The following ASIC2 variants were observed in gnomAD, a reference collection of about 807,000 sequenced individuals.
The protein encoded by ASIC2 is acid sensing ion channel subunit 2.
ASIC2 carries 25 observed loss-of-function variants against 57.3 expected under a neutral mutation model. The ratio of observed to expected loss-of-function variants is 0.44; its 90% CI spans 0.32 to 0.61. The LOEUF (loss-of-function observed/expected upper bound fraction) is 0.61. Ranked by LOEUF, ASIC2 falls within the 20% of genes least tolerant of loss-of-function variation. The pLI, the probability that ASIC2 is intolerant of heterozygous loss-of-function variation, is 0.06. For missense variants in ASIC2, 641 were observed against 738.1 expected, an observed-to-expected ratio of 0.87 and a Z score of 1.52; for synonymous variants, 319 against 307.5, an observed-to-expected ratio of 1.04 and a Z score of -0.39.
At chr17:33,266,142 C>T (rs562550681) in intron 1 of ASIC2, among the ~76,000 whole-genome samples, 1 of 152,324 alleles carries the variant, frequency 6.6e-6, no homozygotes, top group South Asian at 2.1e-4. Context: ...TCTCCAGAGA[C>T]ACCTACCTTG....
intron 1 of ASIC2, among the ~76,000 whole-genome samples, chr17:33,820,823 C>T (rs183269480): frequency 3.3e-5 from 5 of 152,236 alleles, no homozygotes; most frequent in African/African-American, 4.8e-5. Context: ...ACTACTGGTG[C>T]GTGTCATCAT....
chr17:33,197,996 A>G (rs55993568), intron 1 of ASIC2, among the ~76,000 whole-genome samples: 14,877 of 152,230 alleles, frequency 0.098, 960 homozygotes, highest in East Asian at 0.14. Context: ...GGCTCCTGGG[A>G]ACATTATTTA....
chr17:34,047,506 C>CAAAAAAAAAAAAAAAAAAAAAAAA lies in ASIC2; in HGVS notation c.555+108471_555+108472insTTTTTTTTTTTTTTTTTTTTTTTT, dbSNP rs765688526. On this transcript the variant is annotated intron_variant, in intron 1 of 9. Transcript: ENST00000359872. Reference sequence around the variant, plus strand: ...TCTTAACATGATGTACACCTTTCTCCAGAAAAAAAAAAAAAAAAAAAAAAA... The same window carrying CAAAAAAAAAAAAAAAAAAAAAAAA: ...TCTTAACATGATGTACACCTTTCTCCAAAAAAAAAAAAAAAAAAAAAAAAAGAAAAAAAAAAAAAAAAAAAAAAA... 2.9e-5 allele frequency among the ~76,000 whole-genome samples: 2 copies of CAAAAAAAAAAAAAAAAAAAAAAAA among 68,314 alleles called. 1 individual carries two copies. The highest frequency in any genetic ancestry group is 6.1e-5 in the Non-Finnish European group (2 of 32,816). The allele number at this position is 68,314 out of a possible 152,430, so 44.8% of individuals were successfully genotyped here. A position where few individuals can be genotyped will look rare whatever the true frequency, so the allele number is the denominator to read the frequency against.
At chr17:33,942,155 A>G (rs1247422793) in intron 1 of ASIC2, among the ~76,000 whole-genome samples, 1 of 152,112 alleles carries the variant, frequency 6.6e-6, no homozygotes, top group Non-Finnish European at 1.5e-5. Context: ...GAAGGCAGAA[A>G]AGGTACCAAA....
At chr17:33,651,909 A>G (rs1217956397) in intron 1 of ASIC2, among the ~76,000 whole-genome samples, 1 of 152,210 alleles carries the variant, frequency 6.6e-6, no homozygotes, top group Non-Finnish European at 1.5e-5. Context: ...TGCTCTGGGA[A>G]AGTTTGCACT....
intron 1 of ASIC2, among the ~76,000 whole-genome samples, chr17:33,437,144 C>T (rs576402800): frequency 3.3e-5 from 5 of 152,008 alleles, no homozygotes; most frequent in East Asian, 3.9e-4. Context: ...GGATTACAGG[C>T]GTGAGCCACC....
intron 1 of ASIC2, among the ~76,000 whole-genome samples, chr17:33,591,025 A>G (rs1316219179): frequency 6.6e-6 from 1 of 152,140 alleles, no homozygotes; most frequent in Non-Finnish European, 1.5e-5. Context: ...CTTCATTCCA[A>G]CGTGCTCAAA....
rs948522655 is a variant in ASIC2, at chr17:34,086,016, G to A, written c.555+69962C>T. Among the ~76,000 whole-genome samples, 577 of 151,576 alleles carry A rather than the reference G, an allele frequency of 3.8e-3. 3 individuals carry two copies. The highest frequency in any genetic ancestry group is 0.013 in the African/African-American group (536 of 41,222). On this transcript the variant is annotated intron_variant, in intron 1 of 9. Coordinates refer to the ASIC2 transcript ENST00000359872. Reference sequence around the variant, plus strand: ...TCCTGGATTCATTAATTTTTTGAAGGGTTTTTTGTGTCTCTGTTTCCTTCA... The same window carrying A: ...TCCTGGATTCATTAATTTTTTGAAGAGTTTTTTGTGTCTCTGTTTCCTTCA...
chr17:34,009,758 A>T (rs569142209), intron 1 of ASIC2, among the ~76,000 whole-genome samples: 34 of 152,230 alleles, frequency 2.2e-4, no homozygotes, highest in Non-Finnish European at 3.8e-4. Flanking sequence ...GCTCTTGCCC[A>T]TCTCATTGGC....
chr17:34,024,262 T>C (rs569568307), intron 1 of ASIC2, among the ~76,000 whole-genome samples: 22 of 152,306 alleles, frequency 1.4e-4, no homozygotes, highest in Admixed American at 5.9e-4. Flanking sequence ...AACAGCCTCT[T>C]CATGTTCCCA....
intron 1 of ASIC2, among the ~76,000 whole-genome samples, chr17:33,630,553 C>G (rs767587116): frequency 7.9e-5 from 12 of 152,190 alleles, no homozygotes; most frequent in Non-Finnish European, 1.5e-4. Context: ...ACTTAGCTCT[C>G]TATGACAAGC....
chr17:33,255,213 T>C (rs1237171647), intron 1 of ASIC2, among the ~76,000 whole-genome samples: 1 of 151,876 alleles, frequency 6.6e-6, no homozygotes, highest in East Asian at 1.9e-4. Flanking sequence ...CTAATTTTTG[T>C]ATTTTTAGTA....
chr17:33,306,848 G>A (rs1413806173), intron 1 of ASIC2, among the ~76,000 whole-genome samples: 1 of 152,158 alleles, frequency 6.6e-6, no homozygotes, highest in Admixed American at 6.5e-5. Flanking sequence ...GTGTCACACA[G>A]TGTGTTACAG....
chr17:33,291,224 G>A, intron 1 of ASIC2, 184 bp downstream of exon 1: 1 of 1,327,528 alleles, frequency 7.5e-7, no homozygotes, highest in East Asian at 2.7e-5. Flanking sequence ...CTACAGTTAA[G>A]TCCAAGTTCC....
intron 1 of ASIC2, among the ~76,000 whole-genome samples, chr17:33,724,000 T>C (rs1269434092): frequency 1.3e-5 from 2 of 152,184 alleles, no homozygotes; most frequent in South Asian, 2.1e-4. Context: ...TCTTGAATTG[T>C]AGCTCCCACA....
chr17:33,302,703 C>A (rs1224179211), intron 1 of ASIC2, among the ~76,000 whole-genome samples: 1 of 152,140 alleles, frequency 6.6e-6, no homozygotes, highest in Non-Finnish European at 1.5e-5. Context: ...ACAAGAAGAG[C>A]AGAAAGGAAG....
At chr17:33,852,753 G>A (rs895697539) in intron 1 of ASIC2, among the ~76,000 whole-genome samples, 6 of 152,112 alleles carry the variant, frequency 3.9e-5, no homozygotes, top group Non-Finnish European at 7.3e-5. Context: ...ACAGATCTTC[G>A]ATGGATACTC....
At chr17:33,317,694 AG>A (rs1325927772) in intron 1 of ASIC2, among the ~76,000 whole-genome samples, 1 of 152,226 alleles carries the variant, frequency 6.6e-6, no homozygotes, top group Non-Finnish European at 1.5e-5. Flanking sequence ...ACAATCTAGT[AG>A]GGAGATAAAA....
chr17:34,088,422 C>T (rs1049733702), intron 1 of ASIC2, among the ~76,000 whole-genome samples: 11 of 152,132 alleles, frequency 7.2e-5, no homozygotes, highest in African/African-American at 2.7e-4. Context: ...AGAGGAGTAC[C>T]CGGCCGTGTG....
Sources: allele counts gnomAD v4.1 joint callset (sites outside exome capture counted in the v4.1 genomes callset), GRCh38; gene constraint gnomAD v4.1.1; transcripts MANE v1.5; gene names NCBI Gene and HGNC (gene_info 2026-07-23, HGNC 2026-07-21).